The following SEC23A variants were observed in gnomAD, a reference collection of about 807,000 sequenced individuals.
SEC23A encodes SEC23 homolog A, COPII component.
SEC23A carries 56 observed loss-of-function variants against 103.7 expected under a neutral mutation model. The ratio of observed to expected loss-of-function variants is 0.54; its 90% CI spans 0.44 to 0.67. SEC23A has a LOEUF of 0.67. SEC23A is among the 30% of genes least tolerant of loss of function. The probability of loss-of-function intolerance (pLI) is 0.00; values close to 1 mark genes in which losing one functional copy is unlikely to be tolerated. For synonymous variants in SEC23A, 281 were observed against 293.0 expected (o/e 0.96, Z 0.42); for missense variants, 784 against 936.4 (o/e 0.84, Z 2.12).
At chr14:39,071,502 T>C (rs1240451222) in intron 9 of SEC23A, among the ~76,000 whole-genome samples, 1 of 152,130 alleles carries the variant, frequency 6.6e-6, no homozygotes, top group Non-Finnish European at 1.5e-5. Context: ...TGAGCTGAGA[T>C]CGCACCACTG....
intron 14 of SEC23A, among the ~76,000 whole-genome samples, chr14:39,052,777 C>G (rs192224926): frequency 2.6e-5 from 4 of 152,262 alleles, no homozygotes; most frequent in Non-Finnish European, 5.9e-5. Flanking sequence ...GGAAAAGTCA[C>G]ACAGTTGTTG....
chr14:39,056,272 C>G (rs970345185), intron 13 of SEC23A, among the ~76,000 whole-genome samples: 2 of 152,130 alleles, frequency 1.3e-5, no homozygotes, highest in Non-Finnish European at 2.9e-5. Context: ...TCCTCCTGTT[C>G]TACTTACTAG....
chr14:39,049,577 G>A (rs1268045067), intron 14 of SEC23A, among the ~76,000 whole-genome samples: 1 of 151,654 alleles, frequency 6.6e-6, no homozygotes, highest in African/African-American at 2.4e-5. Context: ...AGGAGTTTGA[G>A]ACCAGCTTGG....
At chr14:39,049,597 C>T (rs1395294058) in intron 14 of SEC23A, among the ~76,000 whole-genome samples, 2 of 151,518 alleles carry the variant, frequency 1.3e-5, no homozygotes, top group African/African-American at 2.4e-5. Flanking sequence ...GGCAACATAG[C>T]GAGATCCTGT....
rs1035889763 is a variant in SEC23A at position 39,063,247 on chromosome 14, A to C, written c.1398+77T>G. The C allele has an allele frequency of 1.2e-5, 10 of 840,126 alleles. No individual in the cohort carries two copies. The African/African-American group carries it at 1.7e-4, about 14-fold the overall frequency. 52.0% of individuals were successfully genotyped at this position (840,126 alleles called of 1,614,324 possible). A position where few individuals can be genotyped will look rare whatever the true frequency, so the allele number is the denominator to read the frequency against. ...TATCTACTATAGGAAAAAAAATATG[A>C]ACTATTCATGGCCTAAAGTAAGTAC... On this transcript the variant is annotated intron_variant, in intron 12 of 19. Transcript: ENST00000307712.
chr14:39,045,914 CCCA>C (rs1885817663), intron 15 of SEC23A, among the ~76,000 whole-genome samples: 1 of 15,456 alleles, frequency 6.5e-5, no homozygotes, highest in African/African-American at 2.8e-4. Context: ...TACATCCCCA[CCCA>C]CCCACATCTC....
intron 15 of SEC23A, among the ~76,000 whole-genome samples, chr14:39,046,206 C>T (rs866612011): frequency 6.6e-6 from 1 of 152,154 alleles, no homozygotes; most frequent in Non-Finnish European, 1.5e-5. Context: ...TGGTGGCTCA[C>T]GCTTGTAATC....
chr14:39,078,404 T>C lies in SEC23A; in HGVS notation c.829-2311A>G, dbSNP rs145192954. Among the ~76,000 whole-genome samples the C allele has an allele frequency of 9.2e-4, 140 of 152,234 alleles. 1 individual carries two copies. Among genetic ancestry groups the C allele is most frequent in the African/African-American group, 3.0e-3 (126 of 41,542 alleles). ...ACAGATATCAAAAGTAAGCCCCAGA[T>C]CTTCCCAAAGGAGGATGCCCAAAAA... On this transcript the variant is annotated intron_variant, in intron 7 of 19. Transcript: ENST00000307712.
intron 10 of SEC23A, among the ~76,000 whole-genome samples, chr14:39,066,796 G>A (rs1886682537): frequency 6.6e-6 from 1 of 152,148 alleles, no homozygotes; most frequent in South Asian, 2.1e-4. Flanking sequence ...CCAGGAGGCG[G>A]AGGCTGCAGT....
chr14:39,037,963 C>A (rs989965863), intron 19 of SEC23A, among the ~76,000 whole-genome samples: 11 of 152,210 alleles, frequency 7.2e-5, no homozygotes, highest in African/African-American at 2.7e-4. Flanking sequence ...TCCATTTAAT[C>A]TTAAGATTCA....
chr14:39,097,128 T>C (rs905708417), intron 1 of SEC23A, among the ~76,000 whole-genome samples: 3 of 152,236 alleles, frequency 2.0e-5, no homozygotes, highest in Admixed American at 6.5e-5. Context: ...AATTTCAGTA[T>C]AATAATTTAA....
At chr14:39,092,669 G>C in intron 3 of SEC23A, 42 bp from the exon 4 acceptor site, 1 of 1,130,928 alleles carries the variant, frequency 8.8e-7, no homozygotes, top group African/African-American at 1.6e-5. Flanking sequence ...CAAATTATAG[G>C]CTAGAAAGAT....
At chr14:39,041,590 T>A (rs1216785606) in intron 17 of SEC23A, among the ~76,000 whole-genome samples, 1 of 151,492 alleles carries the variant, frequency 6.6e-6, no homozygotes, top group Non-Finnish European at 1.5e-5. Flanking sequence ...CCTGGGTAGG[T>A]CGGGCGCGAT....
chr14:39,035,750 G>A (rs1885436569), intron 19 of SEC23A, among the ~76,000 whole-genome samples: 1 of 152,088 alleles, frequency 6.6e-6, no homozygotes, highest in South Asian at 2.1e-4. Context: ...TATGTTTAAG[G>A]TCCTATGGAA....
At chr14:39,095,759 T>G in intron 2 of SEC23A, 139 bp downstream of exon 2, 1 of 682,142 alleles carries the variant, frequency 1.5e-6, no homozygotes, top group Non-Finnish European at 2.5e-6. Flanking sequence ...ATTTTACAGC[T>G]CTCTGGATTG....
chr14:39,042,776 G>C lies in SEC23A; in HGVS notation c.1986+10C>G, dbSNP rs758830794. 2 of 1,561,756 alleles carry C rather than the reference G, an allele frequency of 1.3e-6. No individual in the cohort carries two copies. The highest frequency in any genetic ancestry group is 2.2e-5 in the South Asian group (2 of 89,922). ...TACATGCATAGCTTTAAATGCTATT[G>C]AAATCTTACCTCACCATGATAAATC... On this transcript the variant is annotated intron_variant, in intron 17 of 19. Transcript: ENST00000307712.
At position 39,041,654 on chromosome 14, in the gene SEC23A, G is replaced by A. The variant is rs1049133235; in HGVS notation, c.1987-767C>T. ...GGAAGCCAACACGGGCGGATCACCC[G>A]AGGTCAGGAGTTCGAGACCAGCCTG... On this transcript the variant is annotated intron_variant, in intron 17 of 19. Coordinates refer to ENST00000307712, the MANE Select transcript of SEC23A (RefSeq NM_006364.4). 6.6e-5 allele frequency among the ~76,000 whole-genome samples: 10 copies of A among 151,974 alleles called. No individual in the cohort carries two copies. In the East Asian group the frequency reaches 1.2e-3, roughly 18 times the overall value.
Position 39,040,800 on chromosome 14 carries a change from C to T in SEC23A, c.2074G>A (p.Ala692Thr). ...AATCTGGAGTGAAGAATTTCCTGTG[C>T]ATCATCCACTGGGGCTTGCAGAAGG... ...RHLLQAPVDD[A>T]QEILHSRFPM... The change falls in exon 18 of 20, where the codon GCA becomes ACA. Residue 692 changes from alanine (A) to threonine (T), a missense_variant. Around this residue, in one of 2 missense-constraint regions of SEC23A, gnomAD observed 101 missense variants for 162.2 expected, o/e 0.62. Coordinates refer to ENST00000307712, the MANE Select transcript of SEC23A (RefSeq NM_006364.4). 6 of 1,614,214 alleles carry T rather than the reference C, an allele frequency of 3.7e-6. No individual in the cohort carries two copies. Among genetic ancestry groups the T allele is most frequent in the Non-Finnish European group, 5.1e-6 (6 of 1,180,036 alleles).
chr14:39,073,501 C>A (rs909621360), intron 9 of SEC23A, among the ~76,000 whole-genome samples: 3 of 151,634 alleles, frequency 2.0e-5, no homozygotes, highest in Admixed American at 6.6e-5. Flanking sequence ...ACCATGTTGG[C>A]CAGGCTGGTC....
Sources: gnomAD v4.1 joint callset for allele counts (sites outside exome capture counted in the v4.1 genomes callset) on GRCh38, gnomAD v4.1.1 for gene constraint, gnomAD v4.1.1 regional missense constraint, MANE v1.5 for transcripts, NCBI Gene and HGNC (gene_info 2026-07-23, HGNC 2026-07-21) for gene names.